CPED1: variants seen among roughly 807,000 people sequenced by gnomAD.
The protein encoded by CPED1 is cadherin like and PC-esterase domain containing 1.
CPED1 carries 114 observed loss-of-function variants against 128.2 expected under a neutral mutation model. The observed-to-expected ratio is 0.89, with a 90% confidence interval of 0.76 to 1.04. The LOEUF (loss-of-function observed/expected upper bound fraction) is 1.04. Ranked by LOEUF, CPED1 falls within the 50% of genes least tolerant of loss-of-function variation. The pLI is 0.00. For synonymous variants in CPED1, 462 were observed against 426.7 expected (o/e 1.08, Z -1.02); for missense variants, 1,211 against 1,207.1 (o/e 1.00, Z -0.05).
rs751877872 is a variant in CPED1 at position 121,099,906 on chromosome 7, ATGT to A, written c.750-18_750-16del. 3.7e-6 allele frequency: 5 copies of A among 1,363,084 alleles called. No individual in the cohort carries two copies. The highest frequency in any genetic ancestry group is 4.4e-5 in the Admixed American group (2 of 45,142). 84.4% of individuals were successfully genotyped at this position (1,363,084 alleles called of 1,614,324 possible). Reference sequence around the variant, plus strand: ...AACCCTACATTATGGAGCGCTAACTATGTTTTTTTTTTTTTTTAGGAATGAAAC... The same window carrying A: ...AACCCTACATTATGGAGCGCTAACTATTTTTTTTTTTTTTAGGAATGAAAC... On this transcript the variant is annotated splice_polypyrimidine_tract_variant and intron_variant, in intron 6 of 22. Coordinates refer to ENST00000310396, the MANE Select transcript of CPED1 (RefSeq NM_024913.5).
chr7:121,058,493 C>G (rs770042664), intron 4 of CPED1, among the ~76,000 whole-genome samples: 16 of 152,138 alleles, frequency 1.1e-4, no homozygotes, highest in Non-Finnish European at 1.9e-4. Context: ...TACTGCTTGC[C>G]AGGCACCATC....
chr7:121,267,421 G>A, intron 21 of CPED1, 119 bp downstream of exon 21: 1 of 484,336 alleles, frequency 2.1e-6, no homozygotes, highest in Non-Finnish European at 3.6e-6. Context: ...AAAAAAAAGA[G>A]ATTGTGCTTT....
At chr7:121,113,345 T>G (rs147856898) in intron 7 of CPED1, among the ~76,000 whole-genome samples, 82 of 152,226 alleles carry the variant, frequency 5.4e-4, no homozygotes, top group Middle Eastern at 3.4e-3. Flanking sequence ...TAAATAACTC[T>G]AATACAGGGC....
At chr7:121,002,464 A>G (rs1335908879) in intron 2 of CPED1, among the ~76,000 whole-genome samples, 1 of 152,206 alleles carries the variant, frequency 6.6e-6, no homozygotes, top group East Asian at 1.9e-4. Flanking sequence ...TATCTTTAAG[A>G]ACTATCTTTT....
chr7:121,227,818 C>T (rs150457974), intron 16 of CPED1, among the ~76,000 whole-genome samples: 224 of 152,176 alleles, frequency 1.5e-3, no homozygotes, highest in African/African-American at 4.8e-3. Flanking sequence ...TATCCTTATG[C>T]TCCAGTTTTA....
intron 16 of CPED1, among the ~76,000 whole-genome samples, chr7:121,159,515 A>T (rs1393783585): frequency 6.6e-6 from 1 of 152,170 alleles, no homozygotes; most frequent in African/African-American, 2.4e-5. Context: ...TTGAAGTTAG[A>T]TACATATTTA....
At position 121,081,338 on chromosome 7, in the gene CPED1, T is replaced by A. The variant is rs17143150; in HGVS notation, c.617-16361T>A. 3.8e-3 allele frequency among the ~76,000 whole-genome samples: 575 copies of A among 152,262 alleles called. 3 individuals are homozygous for A. Among genetic ancestry groups the A allele is most frequent in the African/African-American group, 0.013 (529 of 41,562 alleles). ...GAAAGGAACATGTCTGGCAGAAGTATAATTAACTGAATAAATAGGGTAGCT... is the reference window on the plus strand; with the variant it reads ...GAAAGGAACATGTCTGGCAGAAGTAAAATTAACTGAATAAATAGGGTAGCT... On this transcript the variant is annotated intron_variant, in intron 5 of 22. Transcript: ENST00000310396.
At chr7:121,018,581 C>T (rs1792363013) in intron 3 of CPED1, among the ~76,000 whole-genome samples, 1 of 152,080 alleles carries the variant, frequency 6.6e-6, no homozygotes, top group Admixed American at 6.6e-5. Flanking sequence ...ACTGAGTACC[C>T]AGGTGCAGTT....
At chr7:121,090,423 TATG>T (rs1352577999) in intron 5 of CPED1, among the ~76,000 whole-genome samples, 3 of 152,314 alleles carry the variant, frequency 2.0e-5, no homozygotes, top group African/African-American at 7.2e-5. Flanking sequence ...TGTACACTGA[TATG>T]ATAACATCAT....
chr7:121,143,352 T>C (rs1795947754), intron 16 of CPED1, among the ~76,000 whole-genome samples: 1 of 151,990 alleles, frequency 6.6e-6, no homozygotes, highest in Admixed American at 6.6e-5. Flanking sequence ...TGGTGGTTCA[T>C]TTATAGTACG....
intron 7 of CPED1, among the ~76,000 whole-genome samples, chr7:121,113,753 A>ATGGAATG (rs2116273602): frequency 6.6e-6 from 1 of 152,282 alleles, no homozygotes; most frequent in South Asian, 2.1e-4. Flanking sequence ...CTTGAATTTC[A>ATGGAATG]TGGAATGTAA....
At chr7:121,232,537 A>T (rs948749461) in intron 16 of CPED1, among the ~76,000 whole-genome samples, 1 of 152,120 alleles carries the variant, frequency 6.6e-6, no homozygotes, top group African/African-American at 2.4e-5. Context: ...AATACATCAT[A>T]AGATCTCAAA....
chr7:121,274,422 G>A (rs1203755393), intron 22 of CPED1, among the ~76,000 whole-genome samples: 1 of 148,076 alleles, frequency 6.8e-6, no homozygotes, highest in Non-Finnish European at 1.5e-5. Flanking sequence ...CACATAACTC[G>A]CTTTTTCTTA....
Position 121,127,217 on chromosome 7 carries a change from C to T in CPED1, c.1262C>T (p.Ser421Phe), listed in dbSNP as rs778551341. ...FPNESSLSIF[S>F]EIFQRLYRSD... Reference sequence around the variant, plus strand: ...AATGAATCATCACTTTCCATATTTTCTGAGATATTTCAGAGACTTTATAGA... The same window carrying T: ...AATGAATCATCACTTTCCATATTTTTTGAGATATTTCAGAGACTTTATAGA... Residue 421 changes from serine to phenylalanine, a missense_variant, in exon 10 of 23, where the codon TCT becomes TTT. Coordinates refer to ENST00000310396, the MANE Select transcript of CPED1 (RefSeq NM_024913.5). 1 of 1,591,368 alleles carries T rather than the reference C, an allele frequency of 6.3e-7. No individual in the cohort carries two copies. Among genetic ancestry groups the T allele is most frequent in the South Asian group, 1.1e-5 (1 of 90,332 alleles).
intron 21 of CPED1, among the ~76,000 whole-genome samples, chr7:121,270,995 G>T (rs1475743868): frequency 6.6e-6 from 1 of 151,968 alleles, no homozygotes; most frequent in Admixed American, 6.6e-5. Context: ...GAGAATTTTA[G>T]ATATTTTATG....
chr7:121,023,982 T>C (rs1792505173), intron 3 of CPED1, among the ~76,000 whole-genome samples: 1 of 152,184 alleles, frequency 6.6e-6, no homozygotes, highest in African/African-American at 2.4e-5. Context: ...TCAGAAGTGC[T>C]TCTGTACTTT....
rs1584530448 is a variant in CPED1, at chr7:121,125,856, T to C, written c.1098T>C (p.Ile366=). 1.2e-6 allele frequency: 2 copies of C among 1,613,756 alleles called. No individual in the cohort carries two copies. Among genetic ancestry groups the C allele is most frequent in the East Asian group, 2.2e-5 (1 of 44,872 alleles). Residue 366 remains isoleucine, a synonymous_variant, in exon 9 of 23, where the codon ATT becomes ATC. Coordinates refer to ENST00000310396, the MANE Select transcript of CPED1 (RefSeq NM_024913.5). ...GCTTTCAACTTCTAACTTTTGATAT[T>C]GGTTATGGCAGTTTCATGTACCCTG... ...RFCFQLLTFD[I]GYGSFMYPVV...
At chr7:121,196,179 G>A (rs1006097576) in intron 16 of CPED1, among the ~76,000 whole-genome samples, 10 of 152,042 alleles carry the variant, frequency 6.6e-5, no homozygotes, top group Non-Finnish European at 5.9e-5. Flanking sequence ...TTGGCTGCTG[G>A]AATAGTCCTG....
At chr7:121,224,835 C>T (rs1797965318) in intron 16 of CPED1, among the ~76,000 whole-genome samples, 1 of 118,272 alleles carries the variant, frequency 8.5e-6, no homozygotes, top group Non-Finnish European at 1.7e-5. Context: ...GGTAAATATT[C>T]CTCCATCCCT....
Sources: gnomAD v4.1 joint callset for allele counts (sites outside exome capture counted in the v4.1 genomes callset) on GRCh38, gnomAD v4.1.1 for gene constraint, MANE v1.5 for transcripts, NCBI Gene and HGNC (gene_info 2026-07-23, HGNC 2026-07-21) for gene names.